TPST1: variants seen among roughly 807,000 people sequenced by gnomAD.
The protein encoded by TPST1 is protein-tyrosine sulfotransferase 1.
In TPST1, 20 loss-of-function variants were observed where a neutral mutation model predicts 34.8. The ratio of observed to expected loss-of-function variants is 0.57; its 90% CI spans 0.40 to 0.84. The LOEUF (loss-of-function observed/expected upper bound fraction) is 0.84. Among genes scored for constraint, TPST1 ranks in the 40% least tolerant of loss-of-function variants. TPST1 has a pLI of 0.00. For missense variants in TPST1, 353 were observed against 455.5 expected (o/e 0.78, Z 2.05); for synonymous variants, 152 against 159.4 (o/e 0.95, Z 0.35).
intron 3 of TPST1, among the ~76,000 whole-genome samples, chr7:66,334,470 T>C (rs1034274374): frequency 4.6e-5 from 7 of 151,724 alleles, no homozygotes; most frequent in Non-Finnish European, 1.0e-4. Flanking sequence ...ACGCCGTCTC[T>C]ACTAAAAATA....
chr7:66,324,257 T>C (rs1791816318), intron 3 of TPST1, among the ~76,000 whole-genome samples: 1 of 152,128 alleles, frequency 6.6e-6, no homozygotes, highest in Admixed American at 6.5e-5. Context: ...TATGATTTCA[T>C]TCCTGTAAAG....
At chr7:66,320,157 A>G (rs1349210545) in intron 3 of TPST1, among the ~76,000 whole-genome samples, 1 of 152,140 alleles carries the variant, frequency 6.6e-6, no homozygotes, top group Non-Finnish European at 1.5e-5. Context: ...CAACATGTGC[A>G]ACTACAGCTA....
intron 2 of TPST1, among the ~76,000 whole-genome samples, chr7:66,273,297 G>A (rs1790740499): frequency 6.6e-6 from 1 of 152,128 alleles, no homozygotes; most frequent in Admixed American, 6.5e-5. Context: ...ACTAATAAAT[G>A]GAAACATATC....
chr7:66,231,135 G>A (rs1382572798), intron 1 of TPST1, among the ~76,000 whole-genome samples: 4 of 151,964 alleles, frequency 2.6e-5, no homozygotes, highest in South Asian at 2.1e-4. Flanking sequence ...ACAGAGTGTC[G>A]ATTGGTGCAC....
chr7:66,279,801 C>T (rs1790896797), intron 2 of TPST1, among the ~76,000 whole-genome samples: 1 of 152,184 alleles, frequency 6.6e-6, no homozygotes, highest in African/African-American at 2.4e-5. Flanking sequence ...TTATATTAAA[C>T]AATCTTTATT....
At chr7:66,274,408 A>G (rs1466678967) in intron 2 of TPST1, among the ~76,000 whole-genome samples, 5 of 151,870 alleles carry the variant, frequency 3.3e-5, no homozygotes, top group African/African-American at 1.2e-4. Context: ...AAGTGCTGGG[A>G]TTACAGGCAT....
Position 66,240,570 on chromosome 7 carries a change from A to G in TPST1, c.145A>G (p.Thr49Ala), listed in dbSNP as rs140628446. The change falls in exon 2 of 6, where the codon ACC becomes GCC. Residue 49 changes from threonine to alanine, a missense_variant. By Grantham distance (58) the Thr-to-Ala change is moderately conservative (BLOSUM62 0). Coordinates refer to ENST00000304842, the MANE Select transcript of TPST1 (RefSeq NM_003596.4). The stretch of plus-strand genomic sequence containing the variant: ...GCCAGTCAAATTGGAGAGCACAAGG[A>G]CCACTGTGAGAACTGGCCTGGACCT... The part of the protein sequence containing the change: ...SQPVKLESTR[T>A]TVRTGLDLKA... 16 of 1,614,182 alleles carry G rather than the reference A, an allele frequency of 9.9e-6. No homozygotes were observed. The highest frequency in any genetic ancestry group is 1.7e-5 in the Admixed American group (1 of 60,026).
intron 3 of TPST1, among the ~76,000 whole-genome samples, chr7:66,333,344 A>G (rs1792032988): frequency 6.6e-6 from 1 of 152,246 alleles, no homozygotes; most frequent in Non-Finnish European, 1.5e-5. Flanking sequence ...GCAGTGTTAA[A>G]TACTGTATAT....
intron 3 of TPST1, among the ~76,000 whole-genome samples, chr7:66,301,197 T>C (rs1187572760): frequency 6.6e-6 from 1 of 152,202 alleles, no homozygotes; most frequent in Non-Finnish European, 1.5e-5. Flanking sequence ...ATAGCTTCTT[T>C]CCTTAATCTT....
chr7:66,234,400 T>TACACAC (rs56139529), intron 1 of TPST1, among the ~76,000 whole-genome samples: 3,192 of 142,918 alleles, frequency 0.022, 96 homozygotes, highest in East Asian at 0.11. Context: ...AAAGCATGGC[T>TACACAC]ACACACACAC....
intron 3 of TPST1, among the ~76,000 whole-genome samples, chr7:66,320,250 T>TC (rs1376802380): frequency 7.0e-6 from 1 of 143,230 alleles, no homozygotes; most frequent in East Asian, 2.0e-4. Context: ...TTTTTCTTTT[T>TC]TTTTTTTTTT....
chr7:66,241,269 A>C lies in TPST1; in HGVS notation c.844A>C (p.Lys282Gln). ...GAAAGCTGGGGGAGTGTCTCTGTCA[A>C]AGTGAGTAGAAGATACGTTTTTTAT... is the stretch of plus-strand genomic sequence containing the variant. ...IGKAGGVSLS[K>Q]VERSTDQVIK... The change falls in exon 2 of 6, where the codon AAA becomes CAA. Residue 282 changes from lysine to glutamine, a missense_variant and splice_region_variant. Coordinates refer to ENST00000304842, the MANE Select transcript of TPST1 (RefSeq NM_003596.4). 1 of 1,595,728 alleles carries C rather than the reference A, an allele frequency of 6.3e-7. No homozygotes were observed. The highest frequency in any genetic ancestry group is 8.5e-7 in the Non-Finnish European group (1 of 1,172,104).
chr7:66,245,392 G>A (rs115011614), intron 2 of TPST1, among the ~76,000 whole-genome samples: 1 of 152,340 alleles, frequency 6.6e-6, no homozygotes, highest in African/African-American at 2.4e-5. Flanking sequence ...GGGGCATTCT[G>A]GCTAAATTTA....
chr7:66,230,003 A>G (rs1789743251), intron 1 of TPST1, among the ~76,000 whole-genome samples: 1 of 152,112 alleles, frequency 6.6e-6, no homozygotes, highest in South Asian at 2.1e-4. Flanking sequence ...CCTGGCCAAT[A>G]TTGTAAAACC....
At chr7:66,230,324 G>A (rs890101816) in intron 1 of TPST1, among the ~76,000 whole-genome samples, 2 of 152,238 alleles carry the variant, frequency 1.3e-5, no homozygotes, top group Non-Finnish European at 2.9e-5. Context: ...TCTTTCATAA[G>A]TGACTACTAT....
chr7:66,347,799 A>G (rs1792385999), intron 3 of TPST1, among the ~76,000 whole-genome samples: 1 of 152,206 alleles, frequency 6.6e-6, no homozygotes, highest in Non-Finnish European at 1.5e-5. Context: ...GCACATAAAA[A>G]TGCTACTGAT....
intron 1 of TPST1, among the ~76,000 whole-genome samples, chr7:66,214,446 A>G (rs780529166): frequency 5.9e-5 from 9 of 151,632 alleles, no homozygotes; most frequent in Non-Finnish European, 1.2e-4. Flanking sequence ...GTGAGCTGCA[A>G]TTTATTTTTG....
At chr7:66,313,823 TGTTA>T (rs1325624259) in intron 3 of TPST1, among the ~76,000 whole-genome samples, 3 of 152,210 alleles carry the variant, frequency 2.0e-5, no homozygotes, top group Non-Finnish European at 4.4e-5. Context: ...ATTTCAATGT[TGTTA>T]GTTATCTCAA....
At chr7:66,209,293 G>A (rs1472919545) in intron 1 of TPST1, among the ~76,000 whole-genome samples, 2 of 152,090 alleles carry the variant, frequency 1.3e-5, no homozygotes, top group African/African-American at 2.4e-5. Context: ...GTGATAACCT[G>A]GTGCTTTTGG....
Sources: allele counts gnomAD v4.1 joint callset (sites outside exome capture counted in the v4.1 genomes callset), GRCh38; gene constraint gnomAD v4.1.1; transcripts MANE v1.5; gene names NCBI Gene and HGNC (gene_info 2026-07-23, HGNC 2026-07-21).